HDAC9: variants seen among roughly 807,000 people sequenced by gnomAD.
HDAC9 encodes the protein histone deacetylase 9.
A neutral mutation model predicts 139.4 loss-of-function variants in HDAC9; 41 were observed. That is an observed-to-expected ratio of 0.29 (90% CI 0.23 to 0.38). The LOEUF (loss-of-function observed/expected upper bound fraction) is 0.38. HDAC9 is among the 10% of genes least tolerant of loss of function. The pLI is 1.00. For synonymous variants in HDAC9, 517 were observed against 476.2 expected, an observed-to-expected ratio of 1.09 and a Z score of -1.12; for missense variants, 1,147 against 1,297.0, an observed-to-expected ratio of 0.88 and a Z score of 1.78.
In HDAC9 at chr7:18,585,346, C is replaced by T; in HGVS notation, c.88C>T (p.Leu30Phe). The T allele has an allele frequency of 1.2e-6, 2 of 1,613,820 alleles. No individual in the cohort carries two copies. Among genetic ancestry groups the T allele is most frequent in the South Asian group, 2.2e-5 (2 of 91,058 alleles). The change falls in exon 3 of 26, where the codon CTC becomes TTC. Residue 30 changes from leucine (L) to phenylalanine (F), a missense_variant. Coordinates refer to ENST00000686413, the MANE Select transcript of HDAC9 (RefSeq NM_178425.4). ...CTCACCTTTAGACCTAAGGACAGAC[C>T]TCAGGATGATGATGCCCGTGGTGGA... ...PISPLDLRTDLRMMMPVVDPV... is the reference protein window; with the variant it reads ...PISPLDLRTDFRMMMPVVDPV...
chr7:18,632,100 C>G (rs948245499), intron 7 of HDAC9, among the ~76,000 whole-genome samples: 18 of 151,698 alleles, frequency 1.2e-4, no homozygotes, highest in African/African-American at 3.9e-4. Flanking sequence ...AATGAGAAAT[C>G]AGTCATATTG....
At chr7:18,906,015 T>G (rs1359518645) in intron 22 of HDAC9, among the ~76,000 whole-genome samples, 1 of 151,690 alleles carries the variant, frequency 6.6e-6, no homozygotes, top group Non-Finnish European at 1.5e-5. Flanking sequence ...ATTTTTTCTT[T>G]CTTTTTGCTT....
intron 2 of HDAC9, among the ~76,000 whole-genome samples, chr7:18,580,163 C>T (rs1261617286): frequency 1.3e-5 from 2 of 152,086 alleles, no homozygotes; most frequent in Non-Finnish European, 2.9e-5. Context: ...GAAAGCTAAA[C>T]GTGAATGTTC....
intron 2 of HDAC9, among the ~76,000 whole-genome samples, chr7:18,225,536 T>C (rs750532030): frequency 6.6e-6 from 1 of 152,280 alleles, no homozygotes; most frequent in South Asian, 2.1e-4. Flanking sequence ...TGAGAATATA[T>C]ATTTTTTCTT....
At chr7:18,652,834 CA>C (rs900720944) in intron 11 of HDAC9, among the ~76,000 whole-genome samples, 1 of 152,208 alleles carries the variant, frequency 6.6e-6, no homozygotes, top group African/African-American at 2.4e-5. Context: ...ATGCGTTAAA[CA>C]AATCATTAAA....
At chr7:18,734,018 T>C (rs1363597608) in intron 13 of HDAC9, among the ~76,000 whole-genome samples, 2 of 152,204 alleles carry the variant, frequency 1.3e-5, no homozygotes, top group African/African-American at 4.8e-5. Context: ...CTTACGGAAA[T>C]ATCCTCAATT....
chr7:18,208,335 G>T (rs1269425421), intron 2 of HDAC9, among the ~76,000 whole-genome samples: 1 of 151,168 alleles, frequency 6.6e-6, no homozygotes, highest in Non-Finnish European at 1.5e-5. Context: ...TTTATGGGAT[G>T]GACCTAGTCA....
intron 2 of HDAC9, among the ~76,000 whole-genome samples, chr7:18,246,726 A>G (rs1794561993): frequency 1.3e-5 from 2 of 152,114 alleles, no homozygotes; most frequent in South Asian, 4.2e-4. Flanking sequence ...TCTGAACAAA[A>G]TGGAGAACAT....
intron 6 of HDAC9, among the ~76,000 whole-genome samples, chr7:18,596,124 T>C (rs1024331527): frequency 1.3e-5 from 2 of 152,090 alleles, no homozygotes; most frequent in Non-Finnish European, 2.9e-5. Flanking sequence ...ATTTCATGTT[T>C]CTTCCTTTTA....
At chr7:18,139,695 G>A (rs150620107) in intron 1 of HDAC9, among the ~76,000 whole-genome samples, 132 of 152,198 alleles carry the variant, frequency 8.7e-4, no homozygotes, top group African/African-American at 2.8e-3. Context: ...TTGCAAATAT[G>A]GTTAAGGCAG....
rs139800249 is a variant in HDAC9, at chr7:18,868,962, C to T, written c.2685-5516C>T. Among the ~76,000 whole-genome samples, 143 of 152,230 alleles carry T rather than the reference C, an allele frequency of 9.4e-4. 1 individual carries two copies. In the East Asian group the frequency reaches 0.013, roughly 14 times the overall value. The stretch of plus-strand genomic sequence containing the variant: ...CCAGGGAGGGCATGGAGACTCCATA[C>T]GCCTTCCCCCATACCTTGTCTTATG... On this transcript the variant is annotated intron_variant, in intron 21 of 25. Transcript: ENST00000686413.
At chr7:18,196,728 C>G (rs1189174288) in intron 2 of HDAC9, among the ~76,000 whole-genome samples, 1 of 152,068 alleles carries the variant, frequency 6.6e-6, no homozygotes, top group Non-Finnish European at 1.5e-5. Context: ...ACAGCGTACG[C>G]AGTGATGCCT....
chr7:18,144,376 G>A (rs1042253047), intron 1 of HDAC9, among the ~76,000 whole-genome samples: 13 of 152,048 alleles, frequency 8.5e-5, no homozygotes, highest in African/African-American at 3.1e-4. Flanking sequence ...AGAAACCTTC[G>A]GGGTTATCTT....
chr7:18,156,163 A>G (rs1787185475), intron 1 of HDAC9, among the ~76,000 whole-genome samples: 1 of 152,166 alleles, frequency 6.6e-6, no homozygotes, highest in Non-Finnish European at 1.5e-5. Context: ...GGCCAACTTG[A>G]GTTTATAGAG....
intron 1 of HDAC9, among the ~76,000 whole-genome samples, chr7:18,475,180 G>A (rs1244886667): frequency 6.6e-6 from 1 of 152,080 alleles, no homozygotes; most frequent in Non-Finnish European, 1.5e-5. Flanking sequence ...TTTCACCCAG[G>A]GAATCCACTG....
chr7:18,938,230 CAAAAAAA>C (rs71553939), intron 23 of HDAC9, among the ~76,000 whole-genome samples: 1 of 75,332 alleles, frequency 1.3e-5, no homozygotes, highest in Non-Finnish European at 2.5e-5. Flanking sequence ...GACTCCGTCT[CAAAAAAA>C]AAAAAAAAAA....
intron 2 of HDAC9, among the ~76,000 whole-genome samples, chr7:18,232,591 A>G (rs1325496297): frequency 2.0e-5 from 3 of 152,210 alleles, no homozygotes; most frequent in Admixed American, 1.3e-4. Context: ...CAATGTCCCT[A>G]GAGGCATGGA....
Position 18,466,901 on chromosome 7 carries a change from C to T in HDAC9, c.-41-29361C>T, listed in dbSNP as rs111654940. Among the ~76,000 whole-genome samples, 1,196 of 152,290 alleles carry T rather than the reference C, an allele frequency of 7.9e-3. 17 individuals carry two copies. Among genetic ancestry groups the T allele is most frequent in the African/African-American group, 0.027 (1,134 of 41,568 alleles). ...TCAGGGAAACCTTATTCTTCTCAAT[C>T]TCCTTATTTCTACCATTTATAATTT... On this transcript the variant is annotated intron_variant, in intron 1 of 3. Coordinates refer to the HDAC9 transcript ENST00000413509.
intron 1 of HDAC9, among the ~76,000 whole-genome samples, chr7:18,462,886 A>C (rs542467494): frequency 1.3e-5 from 2 of 152,070 alleles, no homozygotes; most frequent in Middle Eastern, 3.4e-3. Context: ...TATGCCATTA[A>C]TATGCCATAG....
Sources: allele counts gnomAD v4.1 joint callset (sites outside exome capture counted in the v4.1 genomes callset), GRCh38; gene constraint gnomAD v4.1.1; transcripts MANE v1.5; gene names NCBI Gene and HGNC (gene_info 2026-07-23, HGNC 2026-07-21).